Variants in NUAK1 observed in about 807,000 individuals in gnomAD.
NUAK1 encodes the protein NUAK family SNF1-like kinase 1.
A neutral mutation model predicts 56.9 loss-of-function variants in NUAK1; 26 were observed. That is an observed-to-expected ratio of 0.46 (90% CI 0.33 to 0.63). The LOEUF (loss-of-function observed/expected upper bound fraction) is 0.63. Ranked by LOEUF, NUAK1 falls within the 30% of genes least tolerant of loss-of-function variation. NUAK1 has a pLI of 0.02. For synonymous variants in NUAK1, 337 were observed against 336.0 expected, an observed-to-expected ratio of 1.00 and a Z score of -0.03; for missense variants, 727 against 876.1, an observed-to-expected ratio of 0.83 and a Z score of 2.15.
chr12:106,113,063 AG>A (rs1279648672), intron 1 of NUAK1, among the ~76,000 whole-genome samples: 1 of 152,226 alleles, frequency 6.6e-6, no homozygotes, highest in Non-Finnish European at 1.5e-5. Flanking sequence ...CCAGCTCAGG[AG>A]GACCTCAGGG....
intron 6 of NUAK1, among the ~76,000 whole-genome samples, 170 bp downstream of exon 6, chr12:106,070,604 G>A (rs1424678068): frequency 6.6e-6 from 1 of 152,168 alleles, no homozygotes; most frequent in African/African-American, 2.4e-5. Flanking sequence ...GAAGGTTTGG[G>A]GAAAGCAGCC....
chr12:106,078,401 T>G (rs773869685), intron 4 of NUAK1, among the ~76,000 whole-genome samples: 1 of 152,224 alleles, frequency 6.6e-6, no homozygotes, highest in Non-Finnish European at 1.5e-5. Context: ...CACAGGGTGG[T>G]AAACTGGCTT....
chr12:106,067,100 C>T lies in NUAK1; in HGVS notation c.1688G>A (p.Arg563Gln), dbSNP rs755809583. ...GACACTGGAAGGGCGGCTGTAGCTCCGGGAGAGGCCCTCGGCAGGGACACC... is the reference window on the plus strand; with the variant it reads ...GACACTGGAAGGGCGGCTGTAGCTCTGGGAGAGGCCCTCGGCAGGGACACC... ...EPGVPAEGLS[R>Q]SYSRPSSVIS... Residue 563 changes from arginine to glutamine, a missense_variant, in exon 7 of 7, where the codon CGG becomes CAG. Transcript: ENST00000261402. This position sits in a 1 kb window ranked among gnomAD's most constrained non-coding sequence, Gnocchi z 6.0. 15 of 1,614,056 alleles carry T rather than the reference C, an allele frequency of 9.3e-6. No individual in the cohort carries two copies. Among genetic ancestry groups the T allele is most frequent in the South Asian group, 6.6e-5 (6 of 91,074 alleles).
chr12:106,073,293 G>A (rs1034799044), intron 4 of NUAK1, among the ~76,000 whole-genome samples: 3 of 152,022 alleles, frequency 2.0e-5, no homozygotes, highest in South Asian at 2.1e-4. Flanking sequence ...ATCACACTGC[G>A]GAAAAACCCT....
intron 1 of NUAK1, among the ~76,000 whole-genome samples, chr12:106,111,875 A>C (rs7299031): frequency 0.082 from 12,330 of 149,910 alleles, 1,302 homozygotes; most frequent in African/African-American, 0.25. Context: ...CAGGAAAGAT[A>C]AATATTTCCC....
chr12:106,101,050 A>G (rs2032742071), intron 2 of NUAK1, among the ~76,000 whole-genome samples: 1 of 152,214 alleles, frequency 6.6e-6, no homozygotes, highest in Admixed American at 6.5e-5. Flanking sequence ...GCTTCCAGAG[A>G]GAAGGTTCCC....
At chr12:106,074,085 C>A (rs1410403521) in intron 4 of NUAK1, among the ~76,000 whole-genome samples, 1 of 152,070 alleles carries the variant, frequency 6.6e-6, no homozygotes, top group African/African-American at 2.4e-5. Flanking sequence ...GCTTTCCCTA[C>A]CAGACTCTGA....
chr12:106,069,893 C>T (rs1186104915), intron 6 of NUAK1, among the ~76,000 whole-genome samples: 1 of 152,156 alleles, frequency 6.6e-6, no homozygotes, highest in Non-Finnish European at 1.5e-5. Flanking sequence ...GCTGTACACA[C>T]TCTCTATACA....
rs115478945 is a variant in NUAK1 at position 106,121,051 on chromosome 12, T to C, written c.241-14526A>G. On this transcript the variant is annotated intron_variant, in intron 1 of 6. Coordinates refer to ENST00000261402, the MANE Select transcript of NUAK1 (RefSeq NM_014840.3). ...GTTAGCCTGGGGTAAAGTCCAGACA[T>C]CAGTGTTTTGAAAAGATCCCAGGTG... is the stretch of plus-strand genomic sequence containing the variant. Among the ~76,000 whole-genome samples the C allele has an allele frequency of 2.9e-3, 449 of 152,274 alleles. 3 individuals carry two copies. Among genetic ancestry groups the C allele is most frequent in the African/African-American group, 0.01 (416 of 41,552 alleles).
chr12:106,082,981 A>G (rs1188002949), intron 4 of NUAK1, among the ~76,000 whole-genome samples: 2 of 152,130 alleles, frequency 1.3e-5, no homozygotes, highest in African/African-American at 2.4e-5. Context: ...CCATGCAGCG[A>G]GCTCCGTTTA....
intron 1 of NUAK1, among the ~76,000 whole-genome samples, chr12:106,115,714 A>G (rs1441985070): frequency 6.6e-6 from 1 of 152,220 alleles, no homozygotes; most frequent in African/African-American, 2.4e-5. Flanking sequence ...CAGCCCCAAG[A>G]AACCGCAGGC....
intron 1 of NUAK1, among the ~76,000 whole-genome samples, chr12:106,133,642 G>A (rs763341084): frequency 2.0e-5 from 3 of 152,196 alleles, no homozygotes; most frequent in Admixed American, 6.5e-5. Flanking sequence ...GAGGGAAAAT[G>A]TCTCTAAAGC....
Position 106,063,585 on chromosome 12 carries a change from G to A in NUAK1, c.*3217C>T, listed in dbSNP as rs970857874. 8 of 151,808 alleles carry A rather than the reference G, an allele frequency of 5.3e-5. No individual in the cohort carries two copies. Among genetic ancestry groups the A allele is most frequent in the Non-Finnish European group, 1.0e-4 (7 of 67,978 alleles). The allele number at this position is 151,808 out of a possible 1,614,324, so 9.4% of individuals were successfully genotyped here. ...TATATTATTATAATACCTTTGAAAT[G>A]CCTTTCAGACCAATAAATAAAAAAG... On this transcript the variant is annotated 3_prime_UTR_variant, in exon 7 of 7. Coordinates refer to ENST00000261402, the MANE Select transcript of NUAK1 (RefSeq NM_014840.3).
chr12:106,130,138 C>T (rs778362470), intron 1 of NUAK1, among the ~76,000 whole-genome samples: 124 of 152,236 alleles, frequency 8.1e-4, no homozygotes, highest in Middle Eastern at 6.8e-3. Context: ...TGCGCCACCA[C>T]GCCTGGCTAA....
rs1014367850 is a variant in NUAK1, at chr12:106,086,833, C to T, written c.414G>A (p.Gly138=). Residue 138 remains glycine, a synonymous_variant, in exon 3 of 7, where the codon GGG becomes GGA. Transcript: ENST00000261402. ...IVIIMEYASK[G]ELYDYISERR... is the part of the protein sequence containing the mutation. ...GCTCACTGATGTAATCGTACAGCTCCCCTTTGCTGGCATATTCCATGATGA... is the reference window on the plus strand; with the variant it reads ...GCTCACTGATGTAATCGTACAGCTCTCCTTTGCTGGCATATTCCATGATGA... 1.9e-6 allele frequency: 3 copies of T among 1,614,078 alleles called. No individual in the cohort carries two copies. The African/African-American group carries it at 4.0e-5, about 22-fold the overall frequency.
intron 4 of NUAK1, among the ~76,000 whole-genome samples, chr12:106,077,496 G>A (rs1181596125): frequency 1.3e-5 from 2 of 152,356 alleles, no homozygotes; most frequent in African/African-American, 4.8e-5. Context: ...GCCCATTAAA[G>A]AGCCAGGAGA....
rs2033147448 is a variant in NUAK1, at chr12:106,138,207, A to G, written c.240+207T>C. On this transcript the variant is annotated intron_variant, in intron 1 of 6. Transcript: ENST00000261402. This position sits in a 1 kb window ranked among gnomAD's most constrained non-coding sequence, Gnocchi z 5.0. ...AAAAAATAAAATAAAATATGTGCAGACAGGATGTAACAAGTGTTTCAGGAC... is the reference window on the plus strand; with the variant it reads ...AAAAAATAAAATAAAATATGTGCAGGCAGGATGTAACAAGTGTTTCAGGAC... Among the ~76,000 whole-genome samples the G allele has an allele frequency of 6.6e-6, 1 of 152,232 alleles. No homozygotes were observed. Among genetic ancestry groups the G allele is most frequent in the Admixed American group, 6.5e-5 (1 of 15,284 alleles).
At chr12:106,068,921 C>T (rs1370914702) in intron 6 of NUAK1, among the ~76,000 whole-genome samples, 1 of 152,190 alleles carries the variant, frequency 6.6e-6, no homozygotes, top group Non-Finnish European at 1.5e-5. Flanking sequence ...GATGATCATC[C>T]TCAGTCATTC....
intron 2 of NUAK1, among the ~76,000 whole-genome samples, chr12:106,097,625 C>G (rs1484665300): frequency 6.6e-6 from 1 of 152,178 alleles, no homozygotes; most frequent in African/African-American, 2.4e-5. Context: ...GTAGATATTT[C>G]CAAGTAACTG....
Sources: gnomAD v4.1 joint callset for allele counts (sites outside exome capture counted in the v4.1 genomes callset) on GRCh38, gnomAD v4.1.1 for gene constraint, Gnocchi (gnomAD v3.1) non-coding constraint, MANE v1.5 for transcripts, NCBI Gene and HGNC (gene_info 2026-07-23, HGNC 2026-07-21) for gene names.